SPATA6: variants seen among roughly 807,000 people sequenced by gnomAD.
SPATA6 encodes the protein spermatogenesis associated 6.
A neutral mutation model predicts 65.3 loss-of-function variants in SPATA6; 56 were observed. The ratio of observed to expected loss-of-function variants is 0.86; its 90% CI spans 0.69 to 1.07. The LOEUF (loss-of-function observed/expected upper bound fraction) is 1.07, where lower values mean the gene tolerates loss of function less well. Among genes scored for constraint, SPATA6 ranks in the 50% least tolerant of loss-of-function variants. The pLI, the probability that SPATA6 is intolerant of heterozygous loss-of-function variation, is 0.00. For synonymous variants in SPATA6, 199 were observed against 213.2 expected, an observed-to-expected ratio of 0.93 and a Z score of 0.58; for missense variants, 590 against 594.8, an observed-to-expected ratio of 0.99 and a Z score of 0.08.
chr1:48,275,731 A>T, the SPATA6 span, among the ~76,000 whole-genome samples: 1 of 152,172 alleles, frequency 6.6e-6, no homozygotes, highest in Non-Finnish European at 1.5e-5. Flanking sequence ...ATGGCAGATA[A>T]GCTTTTTGAT....
At chr1:48,442,621 CAG>C (rs952724512) in intron 3 of SPATA6, among the ~76,000 whole-genome samples, 1 of 141,652 alleles carries the variant, frequency 7.1e-6, no homozygotes, top group African/African-American at 2.6e-5. Flanking sequence ...AAGAGAGAGA[CAG>C]AAAGTCAAAG....
chr1:48,460,521 T>C (rs2148183957), intron 1 of SPATA6, among the ~76,000 whole-genome samples: 1 of 152,128 alleles, frequency 6.6e-6, no homozygotes, highest in East Asian at 1.9e-4. Flanking sequence ...GAATGTCCAC[T>C]CTCAACACCT....
chr1:48,357,217 G>A (rs1646685933), intron 10 of SPATA6, among the ~76,000 whole-genome samples: 1 of 151,942 alleles, frequency 6.6e-6, no homozygotes, highest in Admixed American at 6.6e-5. Context: ...TCTAATTTGA[G>A]TAATAACTCA....
chr1:48,449,769 G>C (rs535390683), intron 3 of SPATA6, among the ~76,000 whole-genome samples: 1 of 152,312 alleles, frequency 6.6e-6, no homozygotes, highest in East Asian at 1.9e-4. Context: ...TACTGATTTT[G>C]TTAGGTGTGA....
rs1658306514 is a variant in SPATA6, at chr1:48,472,033, G to A, written c.-25C>T. ...TCCGTGCGGGGAGGGGCGGCGGGGA[G>A]TGACCCCGGCCACGGGCCCGAGTGA... On this transcript the variant is annotated 5_prime_UTR_variant, in exon 1 of 13. Transcript: ENST00000371847. 1 of 1,506,536 alleles carries A rather than the reference G, an allele frequency of 6.6e-7. No individual in the cohort carries two copies. Among genetic ancestry groups the A allele is most frequent in the Admixed American group, 2.2e-5 (1 of 46,284 alleles). 93.3% of individuals were successfully genotyped at this position (1,506,536 alleles called of 1,614,324 possible). A position where few individuals can be genotyped will look rare whatever the true frequency, so the allele number is the denominator to read the frequency against.
intron 9 of SPATA6, among the ~76,000 whole-genome samples, chr1:48,379,722 CAT>C (rs1397833134): frequency 6.6e-6 from 1 of 152,104 alleles, no homozygotes; most frequent in Non-Finnish European, 1.5e-5. Flanking sequence ...GCAGTATTTG[CAT>C]ATATCTTATG....
At chr1:48,461,254 G>A (rs1300521947) in intron 1 of SPATA6, among the ~76,000 whole-genome samples, 1 of 152,118 alleles carries the variant, frequency 6.6e-6, no homozygotes, top group African/African-American at 2.4e-5. Flanking sequence ...TGTCAGATGA[G>A]TAGGTTGCGA....
chr1:48,391,093 G>A (rs115107995), intron 8 of SPATA6, among the ~76,000 whole-genome samples: 5,365 of 151,802 alleles, frequency 0.035, 307 homozygotes, highest in African/African-American at 0.12. Flanking sequence ...ATCCGGACAC[G>A]GTGCCTGATA....
intron 3 of SPATA6, among the ~76,000 whole-genome samples, chr1:48,449,207 T>G (rs1370085959): frequency 6.6e-6 from 1 of 151,962 alleles, no homozygotes; most frequent in Non-Finnish European, 1.5e-5. Flanking sequence ...ATTAGAAAAA[T>G]AGTAATGTGC....
At chr1:48,354,457 G>T (rs935438735) in intron 11 of SPATA6, among the ~76,000 whole-genome samples, 1 of 152,088 alleles carries the variant, frequency 6.6e-6, no homozygotes, top group Non-Finnish European at 1.5e-5. Flanking sequence ...CTCTGTAATA[G>T]CCCAAACCCA....
chr1:48,432,493 C>T (rs969743295), intron 3 of SPATA6, among the ~76,000 whole-genome samples: 32 of 151,990 alleles, frequency 2.1e-4, no homozygotes, highest in African/African-American at 7.5e-4. Flanking sequence ...GACATTTCTC[C>T]ATAGAGGATA....
intron 1 of SPATA6, among the ~76,000 whole-genome samples, chr1:48,468,420 ATATT>A (rs745960309): frequency 1.3e-5 from 2 of 152,242 alleles, no homozygotes; most frequent in African/African-American, 2.4e-5. Context: ...ATACTACAAT[ATATT>A]TATCCATTCT....
intron 5 of SPATA6, among the ~76,000 whole-genome samples, chr1:48,409,536 C>G (rs1203161100): frequency 6.6e-6 from 1 of 152,234 alleles, no homozygotes; most frequent in Admixed American, 6.5e-5. Context: ...AGTAGGGACT[C>G]TGTGTGGAGG....
chr1:48,299,163 T>C (rs557968338), intron 12 of SPATA6, among the ~76,000 whole-genome samples: 56 of 152,030 alleles, frequency 3.7e-4, no homozygotes, highest in African/African-American at 1.3e-3. Context: ...AGGTACAGCA[T>C]AATAAAAGCA....
At chr1:48,445,448 G>T (rs1570601457) in intron 3 of SPATA6, among the ~76,000 whole-genome samples, 1 of 152,176 alleles carries the variant, frequency 6.6e-6, no homozygotes, top group African/African-American at 2.4e-5. Context: ...TGAATCACGA[G>T]GTCAGATCGA....
At chr1:48,342,188 A>G (rs1398776775) in intron 11 of SPATA6, among the ~76,000 whole-genome samples, 1 of 152,206 alleles carries the variant, frequency 6.6e-6, no homozygotes, top group Non-Finnish European at 1.5e-5. Flanking sequence ...GAGATCAGTC[A>G]TGGGTAACAT....
At position 48,359,574 on chromosome 1, in the gene SPATA6, G is replaced by A. The variant is rs377644064; in HGVS notation, c.1094+12C>T. On this transcript the variant is annotated intron_variant, in intron 10 of 12. Transcript: ENST00000371847. ...AAAGATCAGTACAGAAATGAAGACCGCACATAATTACCTTTCCCTGAGAGA... is the reference window on the plus strand; with the variant it reads ...AAAGATCAGTACAGAAATGAAGACCACACATAATTACCTTTCCCTGAGAGA... 2.9e-5 allele frequency: 47 copies of A among 1,610,726 alleles called. No individual in the cohort carries two copies. The highest frequency in any genetic ancestry group is 2.7e-4 in the East Asian group (12 of 44,830).
chr1:48,395,389 T>C, intron 7 of SPATA6, 35 bp from the exon 8 acceptor site: 1 of 1,459,360 alleles, frequency 6.9e-7, no homozygotes, highest in Admixed American at 2.3e-5. Context: ...AAAAGAGAGT[T>C]TAAACATTCC....
Position 48,453,012 on chromosome 1 carries a change from G to A in SPATA6, c.171C>T (p.Ala57=). The change falls in exon 2 of 13, where the codon GCC becomes GCT. Residue 57 remains alanine (A), a synonymous_variant. Coordinates refer to ENST00000371847, the MANE Select transcript of SPATA6 (RefSeq NM_019073.4). ...AACTCACCTTTTCAAACACCATTCT[G>A]GCATTGAAGACCAGGGGAAAAGTGG... The part of the protein sequence containing the change: ...VPATFPLVFN[A]RMVFEKVFPD... 1 of 1,613,364 alleles carries A rather than the reference G, an allele frequency of 6.2e-7. No homozygotes were observed. Among genetic ancestry groups the A allele is most frequent in the Non-Finnish European group, 8.5e-7 (1 of 1,179,798 alleles).
Sources: gnomAD v4.1 joint callset for allele counts (sites outside exome capture counted in the v4.1 genomes callset) on GRCh38, gnomAD v4.1.1 for gene constraint, MANE v1.5 for transcripts, NCBI Gene and HGNC (gene_info 2026-07-23, HGNC 2026-07-21) for gene names.